The following PRKCE variants were observed in gnomAD, a reference collection of about 807,000 sequenced individuals.
PRKCE encodes the protein protein kinase C epsilon.
PRKCE carries 16 observed loss-of-function variants against 85.4 expected under a neutral mutation model. The observed-to-expected ratio is 0.19, with a 90% confidence interval of 0.13 to 0.28. PRKCE has a LOEUF of 0.28. PRKCE is among the 10% of genes least tolerant of loss of function. The pLI, the probability that PRKCE is intolerant of heterozygous loss-of-function variation, is 1.00. For missense variants in PRKCE, 573 were observed against 975.2 expected, an observed-to-expected ratio of 0.59 and a Z score of 5.49; for synonymous variants, 388 against 371.5, an observed-to-expected ratio of 1.04 and a Z score of -0.51.
intron 1 of PRKCE, among the ~76,000 whole-genome samples, chr2:45,677,352 GT>G (rs1209642358): frequency 8.3e-4 from 117 of 140,830 alleles, no homozygotes; most frequent in African/African-American, 1.9e-3. Context: ...TGTTGTTGTT[GT>G]TTTTTTTTTT....
At chr2:45,931,629 G>A (rs143550521) in intron 2 of PRKCE, among the ~76,000 whole-genome samples, 53 of 152,258 alleles carry the variant, frequency 3.5e-4, no homozygotes, top group African/African-American at 1.2e-3. Context: ...GCAATGCTGC[G>A]TATGACTGAT....
At chr2:45,872,665 G>A (rs1442942942) in intron 2 of PRKCE, among the ~76,000 whole-genome samples, 1 of 152,242 alleles carries the variant, frequency 6.6e-6, no homozygotes, top group Non-Finnish European at 1.5e-5. Flanking sequence ...TGACATGCCA[G>A]AAGTGGATTG....
At chr2:45,868,198 G>C (rs1001377731) in intron 2 of PRKCE, among the ~76,000 whole-genome samples, 1 of 147,660 alleles carries the variant, frequency 6.8e-6, no homozygotes, top group Non-Finnish European at 1.5e-5. Flanking sequence ...TGGTCTGGTT[G>C]GGGGGTGTAA....
chr2:46,023,469 A>G (rs1414052115), intron 10 of PRKCE, among the ~76,000 whole-genome samples: 1 of 152,244 alleles, frequency 6.6e-6, no homozygotes, highest in Non-Finnish European at 1.5e-5. Flanking sequence ...GCTTTGTGGT[A>G]GCACTTTTGT....
At chr2:45,866,908 T>C (rs1022717369) in intron 2 of PRKCE, among the ~76,000 whole-genome samples, 1 of 152,228 alleles carries the variant, frequency 6.6e-6, no homozygotes, top group African/African-American at 2.4e-5. Flanking sequence ...AGCTGGGTGA[T>C]TGGAGCTCTT....
At chr2:46,010,974 CAT>C in intron 10 of PRKCE, 1 of 1,377,832 alleles carries the variant, frequency 7.3e-7, no homozygotes, top group Non-Finnish European at 9.4e-7. Flanking sequence ...CTTAAAATTT[CAT>C]AGTGAAACAC....
At chr2:46,102,744 T>C (rs369019656) in intron 11 of PRKCE, among the ~76,000 whole-genome samples, 37 of 152,316 alleles carry the variant, frequency 2.4e-4, no homozygotes, top group African/African-American at 6.3e-4. Flanking sequence ...ATTTGTCTGA[T>C]GTTTTCCTCA....
At chr2:45,955,712 C>T (rs546608847) in intron 2 of PRKCE, among the ~76,000 whole-genome samples, 14 of 152,174 alleles carry the variant, frequency 9.2e-5, no homozygotes, top group East Asian at 1.9e-4. Flanking sequence ...TTCTAAATTG[C>T]GCTCAGGGTT....
chr2:46,021,093 G>A (rs1235575790), intron 10 of PRKCE, among the ~76,000 whole-genome samples: 1 of 152,162 alleles, frequency 6.6e-6, no homozygotes, highest in African/African-American at 2.4e-5. Context: ...TGGATGCTGG[G>A]GCATTGGGGG....
chr2:45,970,417 C>T (rs1419667203), intron 2 of PRKCE, among the ~76,000 whole-genome samples: 1 of 152,110 alleles, frequency 6.6e-6, no homozygotes, highest in Admixed American at 6.6e-5. Flanking sequence ...GCCCTTTGTG[C>T]TGGTCTTGCC....
At chr2:46,090,070 G>A (rs1361944849) in intron 11 of PRKCE, among the ~76,000 whole-genome samples, 4 of 152,132 alleles carry the variant, frequency 2.6e-5, no homozygotes, top group Non-Finnish European at 4.4e-5. Context: ...AAAACAGAAT[G>A]GTCATGAGTA....
At chr2:46,025,237 T>C (rs1287680108) in intron 10 of PRKCE, among the ~76,000 whole-genome samples, 3 of 152,200 alleles carry the variant, frequency 2.0e-5, no homozygotes, top group African/African-American at 7.2e-5. Context: ...GCAGAGTAAC[T>C]GAACCCTGAA....
intron 2 of PRKCE, among the ~76,000 whole-genome samples, chr2:45,891,508 C>T (rs1695719358): frequency 6.6e-6 from 1 of 152,200 alleles, no homozygotes; most frequent in East Asian, 1.9e-4. Context: ...TAAACCATCC[C>T]TGTGTCCTTT....
intron 14 of PRKCE, among the ~76,000 whole-genome samples, chr2:46,175,701 T>C (rs1342556234): frequency 1.3e-5 from 2 of 152,194 alleles, no homozygotes; most frequent in African/African-American, 2.4e-5. Context: ...GAAACCAGTC[T>C]GATTCCATGA....
chr2:45,703,375 A>C (rs1395358190), intron 1 of PRKCE, among the ~76,000 whole-genome samples: 1 of 152,072 alleles, frequency 6.6e-6, no homozygotes, highest in Non-Finnish European at 1.5e-5. Context: ...ATCTCTAAAA[A>C]TAATTTGAAA....
At chr2:45,810,028 G>A (rs1009558933) in intron 1 of PRKCE, among the ~76,000 whole-genome samples, 1 of 144,336 alleles carries the variant, frequency 6.9e-6, no homozygotes, top group Admixed American at 7.1e-5. Context: ...GCAGGATAGA[G>A]AGAAGGATGT....
At chr2:45,951,437 C>T (rs941436739) in intron 2 of PRKCE, among the ~76,000 whole-genome samples, 1 of 152,190 alleles carries the variant, frequency 6.6e-6, no homozygotes, top group East Asian at 1.9e-4. Context: ...CTGACTTCCT[C>T]ACTGAGACTA....
At chr2:45,870,421 G>T (rs72618616) in intron 2 of PRKCE, among the ~76,000 whole-genome samples, 1 of 152,140 alleles carries the variant, frequency 6.6e-6, no homozygotes, top group Non-Finnish European at 1.5e-5. Context: ...GGTATAACTG[G>T]GGGGAGAACC....
At position 46,090,667 on chromosome 2, in the gene PRKCE, C is replaced by T. The variant is rs184135550; in HGVS notation, c.1592+4305C>T. ...TTTTTCTGTGACCCTAGAAAACACCCCATTTCCTCTTATCTTTTATTTTAT... is the reference window on the plus strand; with the variant it reads ...TTTTTCTGTGACCCTAGAAAACACCTCATTTCCTCTTATCTTTTATTTTAT... On this transcript the variant is annotated intron_variant, in intron 11 of 14. Transcript: ENST00000306156. Among the ~76,000 whole-genome samples, 281 of 152,258 alleles carry T rather than the reference C, an allele frequency of 1.8e-3. 2 individuals carry two copies. Among genetic ancestry groups the T allele is most frequent in the Non-Finnish European group, 2.6e-3 (180 of 68,012 alleles).
Sources: gnomAD v4.1 joint callset for allele counts (sites outside exome capture counted in the v4.1 genomes callset) on GRCh38, gnomAD v4.1.1 for gene constraint, MANE v1.5 for transcripts, NCBI Gene and HGNC (gene_info 2026-07-23, HGNC 2026-07-21) for gene names.